The following CAP2 variants were observed in gnomAD, a reference collection of about 807,000 sequenced individuals.
The protein encoded by CAP2 is adenylyl cyclase-associated protein 2.
A neutral mutation model predicts 57.7 loss-of-function variants in CAP2; 24 were observed. That is an observed-to-expected ratio of 0.42 (90% CI 0.30 to 0.58). The LOEUF (loss-of-function observed/expected upper bound fraction) is 0.58, where lower values mean the gene tolerates loss of function less well. CAP2 is among the 20% of genes least tolerant of loss of function. The pLI, the probability that CAP2 is intolerant of heterozygous loss-of-function variation, is 0.22. For missense variants in CAP2, 501 were observed against 590.3 expected, an observed-to-expected ratio of 0.85 and a Z score of 1.57; for synonymous variants, 194 against 207.2, an observed-to-expected ratio of 0.94 and a Z score of 0.55.
intron 4 of CAP2, among the ~76,000 whole-genome samples, chr6:17,491,591 G>A (rs985136238): frequency 1.3e-5 from 2 of 152,178 alleles, no homozygotes; most frequent in Admixed American, 1.3e-4. Context: ...TCAGACTAGT[G>A]TGAACGATAC....
intron 1 of CAP2, among the ~76,000 whole-genome samples, chr6:17,419,293 A>T (rs1304794920): frequency 6.6e-6 from 1 of 152,216 alleles, no homozygotes; most frequent in African/African-American, 2.4e-5. Flanking sequence ...AATTAAATTT[A>T]TTTACCCCTG....
intron 3 of CAP2, among the ~76,000 whole-genome samples, chr6:17,462,564 A>C (rs1760756256): frequency 6.6e-6 from 1 of 150,962 alleles, no homozygotes; most frequent in African/African-American, 2.5e-5. Flanking sequence ...CCTCCCTCCC[A>C]GCAGCCCCAG....
At position 17,556,599 on chromosome 6, in the gene CAP2, C is replaced by A; in HGVS notation, c.*157C>A. On this transcript the variant is annotated 3_prime_UTR_variant, in exon 13 of 13. Transcript: ENST00000229922. ...ATACAGCACTGTTTCTGGCACGCCTCGTGGGCATTTTGAAATATTTAACGT... is the reference window on the plus strand; with the variant it reads ...ATACAGCACTGTTTCTGGCACGCCTAGTGGGCATTTTGAAATATTTAACGT... 1 of 563,996 alleles carries A rather than the reference C, an allele frequency of 1.8e-6. No homozygotes were observed. Among genetic ancestry groups the A allele is most frequent in the Non-Finnish European group, 3.2e-6 (1 of 312,856 alleles). The allele number at this position is 563,996 out of a possible 1,614,324, so 34.9% of individuals were successfully genotyped here. A position where few individuals can be genotyped will look rare whatever the true frequency, so the allele number is the denominator to read the frequency against.
chr6:17,409,328 C>T (rs1469294127), intron 1 of CAP2, among the ~76,000 whole-genome samples: 5 of 151,852 alleles, frequency 3.3e-5, no homozygotes, highest in Admixed American at 6.5e-5. Context: ...GCCGAGATCA[C>T]GCCACTGCAC....
intron 7 of CAP2, among the ~76,000 whole-genome samples, chr6:17,522,889 G>C (rs889453531): frequency 1.3e-5 from 2 of 152,114 alleles, no homozygotes; most frequent in Non-Finnish European, 2.9e-5. Context: ...CCGCATTCTG[G>C]GTTCAGGTGA....
At chr6:17,397,564 G>A (rs922803173) in intron 1 of CAP2, among the ~76,000 whole-genome samples, 1 of 151,702 alleles carries the variant, frequency 6.6e-6, no homozygotes, top group East Asian at 2.0e-4. Context: ...GCGTGGTGGC[G>A]GGCACCTATA....
chr6:17,418,385 G>A (rs1021255130), intron 1 of CAP2, among the ~76,000 whole-genome samples: 25 of 152,280 alleles, frequency 1.6e-4, no homozygotes, highest in African/African-American at 5.5e-4. Flanking sequence ...CTTGCTTGTG[G>A]TGATTTTACA....
chr6:17,528,791 G>A (rs1382647669), intron 7 of CAP2, among the ~76,000 whole-genome samples: 1 of 152,076 alleles, frequency 6.6e-6, no homozygotes, highest in South Asian at 2.1e-4. Flanking sequence ...TCCCCAAATT[G>A]ACTTTTTAAA....
intron 4 of CAP2, among the ~76,000 whole-genome samples, chr6:17,494,361 C>T (rs1761613694): frequency 6.6e-6 from 1 of 152,110 alleles, no homozygotes; most frequent in African/African-American, 2.4e-5. Context: ...TCGCTCCATT[C>T]CAGCTACATG....
chr6:17,492,113 C>T (rs936443649), intron 4 of CAP2, among the ~76,000 whole-genome samples: 5 of 152,194 alleles, frequency 3.3e-5, no homozygotes, highest in Admixed American at 2.6e-4. Flanking sequence ...GTGTTCTGTA[C>T]TTTGCAGTAC....
At chr6:17,547,820 A>G (rs545876084) in intron 11 of CAP2, among the ~76,000 whole-genome samples, 402 of 150,384 alleles carry the variant, frequency 2.7e-3, no homozygotes, top group Middle Eastern at 6.8e-3. Flanking sequence ...CAGCCTGGGC[A>G]ACAGAGTGAG....
chr6:17,487,299 C>T (rs922302135), intron 4 of CAP2, among the ~76,000 whole-genome samples: 35 of 152,112 alleles, frequency 2.3e-4, no homozygotes, highest in Admixed American at 6.5e-4. Flanking sequence ...GGTGCTGTCC[C>T]CCTTTCCCTG....
chr6:17,542,912 G>C lies in CAP2; in HGVS notation c.1078G>C (p.Glu360Gln), dbSNP rs762449193. The change falls in exon 10 of 13, where the codon GAA becomes CAA. Residue 360 changes from glutamate to glutamine, a missense_variant. Glu to Gln is a conservative substitution (Grantham distance 29). Coordinates refer to ENST00000229922, the MANE Select transcript of CAP2 (RefSeq NM_006366.3). ...ACAAGTGGCTTACATTTTCAAATGC[G>C]AAAAATCAACTATTCAGATAAAAGG... Reference protein sequence around the residue: ...LKQVAYIFKCEKSTIQIKGKV... With the variant: ...LKQVAYIFKCQKSTIQIKGKV... The C allele has an allele frequency of 6.2e-7, 1 of 1,613,554 alleles. No homozygotes were observed. The highest frequency in any genetic ancestry group is 8.5e-7 in the Non-Finnish European group (1 of 1,179,630).
intron 1 of CAP2, among the ~76,000 whole-genome samples, chr6:17,395,665 GT>G (rs1282427100): frequency 6.6e-6 from 1 of 152,132 alleles, no homozygotes; most frequent in African/African-American, 2.4e-5. Flanking sequence ...GCATTATGGA[GT>G]TTTGTTTTGT....
chr6:17,415,431 C>T (rs1204905256), intron 1 of CAP2, among the ~76,000 whole-genome samples: 2 of 152,222 alleles, frequency 1.3e-5, no homozygotes, highest in Non-Finnish European at 2.9e-5. Flanking sequence ...GAGGGAGCCA[C>T]TGTGGTTCCA....
At chr6:17,482,534 AAAAAAG>A in intron 4 of CAP2, among the ~76,000 whole-genome samples, 1 of 124,728 alleles carries the variant, frequency 8.0e-6, no homozygotes, top group African/African-American at 2.8e-5. Flanking sequence ...AAAAAAAAAA[AAAAAAG>A]TCTAGGCATG....
chr6:17,548,982 A>T (rs1165529159), intron 11 of CAP2, among the ~76,000 whole-genome samples: 5 of 152,242 alleles, frequency 3.3e-5, no homozygotes. Flanking sequence ...AAATAAATTA[A>T]TTAGGGTCAA....
intron 1 of CAP2, among the ~76,000 whole-genome samples, chr6:17,411,421 G>C (rs193066075): frequency 1.3e-5 from 2 of 152,178 alleles, no homozygotes; most frequent in Non-Finnish European, 2.9e-5. Context: ...ATGTCTGAGG[G>C]TTCCAATTCC....
At chr6:17,502,391 A>G (rs1182534529) in intron 4 of CAP2, among the ~76,000 whole-genome samples, 4 of 152,236 alleles carry the variant, frequency 2.6e-5, no homozygotes, top group Admixed American at 6.5e-5. Context: ...GAAAGTCAGG[A>G]TGAACTGGTG....
Sources: allele counts gnomAD v4.1 joint callset (sites outside exome capture counted in the v4.1 genomes callset), GRCh38; gene constraint gnomAD v4.1.1; transcripts MANE v1.5; gene names NCBI Gene and HGNC (gene_info 2026-07-23, HGNC 2026-07-21).